Variants in FBXW11 observed in about 807,000 individuals in gnomAD.
The protein encoded by FBXW11 is F-box/WD repeat-containing protein 11.
In FBXW11, 19 loss-of-function variants were observed where a neutral mutation model predicts 77.6. The observed-to-expected ratio is 0.24, with a 90% CI of 0.17 to 0.36. The LOEUF (loss-of-function observed/expected upper bound fraction) is 0.36. FBXW11 is among the 10% of genes least tolerant of loss of function. The probability of loss-of-function intolerance (pLI) is 1.00; values close to 1 mark genes in which losing one functional copy is unlikely to be tolerated. For synonymous variants in FBXW11, 235 were observed against 249.4 expected, an observed-to-expected ratio of 0.94 and a Z score of 0.54; for missense variants, 334 against 704.2, an observed-to-expected ratio of 0.47 and a Z score of 5.95.
chr5:172,006,068 G>GGCTT (rs1427587189), intron 1 of FBXW11, among the ~76,000 whole-genome samples: 2 of 152,168 alleles, frequency 1.3e-5, no homozygotes, highest in African/African-American at 4.8e-5. Context: ...GCCTGAGTGG[G>GGCTT]GCTTGCAAGC....
chr5:171,889,319 G>A (rs955855790), intron 7 of FBXW11, among the ~76,000 whole-genome samples: 3 of 152,110 alleles, frequency 2.0e-5, no homozygotes, highest in Admixed American at 2.0e-4. Flanking sequence ...CCTGAGGCCA[G>A]GAGTTCAAGA....
chr5:171,903,605 C>A (rs957346762), intron 4 of FBXW11, among the ~76,000 whole-genome samples: 2 of 152,112 alleles, frequency 1.3e-5, no homozygotes, highest in Non-Finnish European at 2.9e-5. Context: ...CTTTCTAACG[C>A]TGGGGTACTT....
At chr5:171,884,869 T>C (rs1046510673) in intron 7 of FBXW11, among the ~76,000 whole-genome samples, 16 of 152,222 alleles carry the variant, frequency 1.1e-4, no homozygotes, top group Non-Finnish European at 2.4e-4. Flanking sequence ...CTTGATGTGA[T>C]TCTCCTCCTG....
chr5:171,939,144 G>A (rs980641171), intron 2 of FBXW11, among the ~76,000 whole-genome samples: 1 of 152,112 alleles, frequency 6.6e-6, no homozygotes, highest in African/African-American at 2.4e-5. Flanking sequence ...GGCTGAGGCA[G>A]GAGAATCACT....
At chr5:171,956,024 T>C (rs1308958178) in intron 2 of FBXW11, among the ~76,000 whole-genome samples, 1 of 152,134 alleles carries the variant, frequency 6.6e-6, no homozygotes, top group Non-Finnish European at 1.5e-5. Context: ...TTTAACTGAA[T>C]GCAATAAAAA....
chr5:171,930,594 C>T (rs142140572), intron 2 of FBXW11, among the ~76,000 whole-genome samples: 1,903 of 151,970 alleles, frequency 0.013, 38 homozygotes, highest in African/African-American at 0.043. Context: ...TGCGGAAGGC[C>T]GCAGGGTCCT....
At chr5:171,872,249 T>C (rs1757798395) in intron 10 of FBXW11, among the ~76,000 whole-genome samples, 2 of 152,182 alleles carry the variant, frequency 1.3e-5, no homozygotes, top group South Asian at 2.1e-4. Flanking sequence ...TTGAATCCTA[T>C]CTTTATTTTG....
chr5:171,868,368 A>T (rs1410009028), intron 13 of FBXW11, among the ~76,000 whole-genome samples: 1 of 152,194 alleles, frequency 6.6e-6, no homozygotes, highest in East Asian at 1.9e-4. Context: ...AACAGTTTTT[A>T]AAAACAGGAA....
rs925939969 is a variant in FBXW11 at position 171,983,347 on chromosome 5, T to G, written c.45+23111A>C. On this transcript the variant is annotated intron_variant, in intron 1 of 13. Coordinates refer to ENST00000517395, the MANE Select transcript of FBXW11 (RefSeq NM_001378974.1). ...ATATCCTTTGTAATAATATCCTTTATGATAAACTGGTAAATGTTACCTGTT... is the reference window on the plus strand; with the variant it reads ...ATATCCTTTGTAATAATATCCTTTAGGATAAACTGGTAAATGTTACCTGTT... Among the ~76,000 whole-genome samples, 7 of 152,210 alleles carry G rather than the reference T, an allele frequency of 4.6e-5. 1 individual carries two copies. Among genetic ancestry groups the G allele is most frequent in the Middle Eastern group, 3.2e-3 (1 of 316 alleles).
chr5:171,900,285 T>A (rs1224522226), intron 4 of FBXW11, among the ~76,000 whole-genome samples, 185 bp from the exon 5 acceptor site: 1 of 152,218 alleles, frequency 6.6e-6, no homozygotes, highest in Non-Finnish European at 1.5e-5. Flanking sequence ...TTGGTTCTGA[T>A]TTTTTACGAT....
At chr5:171,924,644 C>A (rs1279526802) in intron 2 of FBXW11, among the ~76,000 whole-genome samples, 1 of 152,148 alleles carries the variant, frequency 6.6e-6, no homozygotes, top group African/African-American at 2.4e-5. Context: ...TCTGCCGGTG[C>A]CAGGCAGCAG....
intron 5 of FBXW11, among the ~76,000 whole-genome samples, chr5:171,899,304 T>C (rs555609208): frequency 6.6e-6 from 1 of 152,354 alleles, no homozygotes; most frequent in South Asian, 2.1e-4. Context: ...TCGTGTTTTC[T>C]GAGTACTAAT....
At chr5:171,986,497 A>G (rs1561750925) in intron 1 of FBXW11, among the ~76,000 whole-genome samples, 1 of 150,120 alleles carries the variant, frequency 6.7e-6, no homozygotes, top group Admixed American at 6.6e-5. Flanking sequence ...GAGGCCAAGG[A>G]GGATGGATCA....
intron 4 of FBXW11, among the ~76,000 whole-genome samples, chr5:171,902,122 T>C (rs1388536881): frequency 6.6e-6 from 1 of 152,174 alleles, no homozygotes; most frequent in Non-Finnish European, 1.5e-5. Context: ...GCCCAGTCCA[T>C]ATCTCTCTAT....
intron 6 of FBXW11, among the ~76,000 whole-genome samples, chr5:171,893,692 CTT>C (rs1759543541): frequency 6.6e-6 from 1 of 152,136 alleles, no homozygotes; most frequent in Admixed American, 6.5e-5. Context: ...GCCAGTGACT[CTT>C]GGCAGTAGTT....
chr5:171,953,866 G>A (rs1266955436), intron 2 of FBXW11, among the ~76,000 whole-genome samples: 1 of 151,552 alleles, frequency 6.6e-6, no homozygotes, highest in Non-Finnish European at 1.5e-5. Flanking sequence ...CAAAAGCTAT[G>A]ATAAGTTCTG....
intron 1 of FBXW11, among the ~76,000 whole-genome samples, chr5:171,992,797 C>G (rs777685921): frequency 2.6e-5 from 4 of 151,970 alleles, no homozygotes; most frequent in Non-Finnish European, 5.9e-5. Flanking sequence ...GCCAATATTC[C>G]TACTAGATAC....
chr5:171,904,300 A>T lies in FBXW11; in HGVS notation c.437-4200T>A, dbSNP rs893190047. 7.9e-5 allele frequency among the ~76,000 whole-genome samples: 12 copies of T among 151,608 alleles called. No individual in the cohort carries two copies. Among genetic ancestry groups the T allele is most frequent in the African/African-American group, 1.9e-4 (8 of 41,146 alleles). On this transcript the variant is annotated intron_variant, in intron 4 of 13. Coordinates refer to ENST00000517395, the MANE Select transcript of FBXW11 (RefSeq NM_001378974.1). The surrounding 1 kb of genome is among the most constrained non-coding windows in gnomAD (Gnocchi z 4.0). Reference sequence around the variant, plus strand: ...ACAGTGCAAGACTCTGTCTTTTTTTAAAAAAAATAAAAAATAAAAAGAATG... The same window carrying T: ...ACAGTGCAAGACTCTGTCTTTTTTTTAAAAAAATAAAAAATAAAAAGAATG...
chr5:171,975,589 T>C (rs1023661688), intron 1 of FBXW11, among the ~76,000 whole-genome samples: 1 of 152,258 alleles, frequency 6.6e-6, no homozygotes. Flanking sequence ...TCTATCACTT[T>C]GCTATCTACG....
Sources: allele counts gnomAD v4.1 joint callset (sites outside exome capture counted in the v4.1 genomes callset), GRCh38; gene constraint gnomAD v4.1.1; non-coding constraint Gnocchi (gnomAD v3.1); transcripts MANE v1.5; gene names NCBI Gene and HGNC (gene_info 2026-07-23, HGNC 2026-07-21).